Variants in USP7 observed in about 807,000 individuals in gnomAD.
USP7 encodes the protein ubiquitin specific peptidase 7.
A neutral mutation model predicts 162.9 loss-of-function variants in USP7; 9 were observed. The observed-to-expected ratio is 0.06, with a 90% CI of 0.03 to 0.10. The LOEUF is 0.10. Among genes scored for constraint, USP7 ranks in the 10% least tolerant of loss-of-function variants. The pLI is 1.00. For missense variants in USP7, 715 were observed against 1,373.7 expected (o/e 0.52, Z 7.58); for synonymous variants, 562 against 475.9 (o/e 1.18, Z -2.35).
Position 8,919,046 on chromosome 16 carries a change from C to A in USP7, c.705G>T (p.Thr235=), listed in dbSNP as rs747604903. The change falls in exon 6 of 31, where the codon ACG becomes ACT. Residue 235 remains threonine, a synonymous_variant. Coordinates refer to ENST00000344836, the MANE Select transcript of USP7 (RefSeq NM_003470.3). The part of the protein sequence containing the change: ...MNSLLQTLFF[T]NQLRKAVYMM... ...ATCCATTTACCTTTCGTAGCTGATT[C>A]GTGAAAAATAACGTCTGTAGCAGGC... 1.2e-6 allele frequency: 2 copies of A among 1,613,626 alleles called. No homozygotes were observed. The highest frequency in any genetic ancestry group is 1.7e-5 in the Admixed American group (1 of 60,030).
intron 1 of USP7, among the ~76,000 whole-genome samples, chr16:8,944,105 T>C (rs535611101): frequency 1.3e-5 from 2 of 152,226 alleles, no homozygotes; most frequent in East Asian, 3.9e-4. Context: ...ACATCAAGTA[T>C]ATAATGGTAG....
At chr16:8,916,835 CAA>C (rs1162015547) in intron 7 of USP7, among the ~76,000 whole-genome samples, 189 bp downstream of exon 7, 1 of 152,108 alleles carries the variant, frequency 6.6e-6, no homozygotes, top group Non-Finnish European at 1.5e-5. Flanking sequence ...AATTCTACAA[CAA>C]AGTGTCTATT....
chr16:8,923,101 C>T, intron 3 of USP7, 114 bp downstream of exon 3: 1 of 506,658 alleles, frequency 2.0e-6, no homozygotes. Context: ...TAAAGAGAAA[C>T]ACGTATTTAA....
At chr16:8,914,609 A>G (rs1172744806) in intron 10 of USP7, among the ~76,000 whole-genome samples, 2 of 152,202 alleles carry the variant, frequency 1.3e-5, no homozygotes, top group Non-Finnish European at 2.9e-5. Context: ...GTATCTCATG[A>G]ATGTGCTGGG....
chr16:8,902,010 G>C (rs1399940776), intron 18 of USP7, 72 bp downstream of exon 18: 6 of 1,268,584 alleles, frequency 4.7e-6, no homozygotes, highest in Admixed American at 1.8e-5. Flanking sequence ...TTAACCCTGT[G>C]TGTTTAGAAC....
At chr16:8,963,141 C>A in intron 1 of USP7, 66 bp downstream of exon 1, 1 of 1,313,848 alleles carries the variant, frequency 7.6e-7, no homozygotes, top group Non-Finnish European at 9.8e-7. Context: ...GCGTGGCTCC[C>A]GCGGCTCCCC....
At chr16:8,951,809 A>G (rs1899566901) in intron 1 of USP7, among the ~76,000 whole-genome samples, 1 of 152,208 alleles carries the variant, frequency 6.6e-6, no homozygotes, top group Non-Finnish European at 1.5e-5. Context: ...GATCTCATTA[A>G]AACTTGTTAC....
rs1300322912 is a variant in USP7, at chr16:8,896,964, C to G, written c.2819+35G>C. On this transcript the variant is annotated intron_variant, in intron 26 of 30. Transcript: ENST00000344836. ...GGTCAGCGTTAACTGCCACCCCTAA[C>G]TGAACGTCCACAATTGGGCTCAAGA... 7.1e-6 allele frequency: 11 copies of G among 1,548,040 alleles called. No homozygotes were observed. In the East Asian group the frequency reaches 1.1e-4, roughly 16 times the overall value.
chr16:8,955,224 C>G (rs896114740), intron 1 of USP7, among the ~76,000 whole-genome samples: 8 of 152,162 alleles, frequency 5.3e-5, no homozygotes, highest in African/African-American at 1.7e-4. Context: ...CGTTTTTTTA[C>G]ATATTAATCT....
intron 30 of USP7, 82 bp downstream of exon 30, chr16:8,894,468 T>G (rs541573568): frequency 7.0e-7 from 1 of 1,437,662 alleles, no homozygotes; most frequent in Admixed American, 2.2e-5. Context: ...CACTTGACCC[T>G]GGGGCTGCCC....
At chr16:8,960,176 G>T (rs1303025660) in intron 1 of USP7, among the ~76,000 whole-genome samples, 1 of 152,120 alleles carries the variant, frequency 6.6e-6, no homozygotes, top group Non-Finnish European at 1.5e-5. Context: ...TTCCCAGCCA[G>T]ACCTAATCAT....
At position 8,955,216 on chromosome 16, in the gene USP7, T is replaced by G. The variant is rs1412658353; in HGVS notation, c.79+7991A>C. On this transcript the variant is annotated intron_variant, in intron 1 of 30. Transcript: ENST00000344836. Reference sequence around the variant, plus strand: ...TGGGTTTCTCTTTCCGTATGGCTCGTTTTTTTACATATTAATCTGTTTGCA... The same window carrying G: ...TGGGTTTCTCTTTCCGTATGGCTCGGTTTTTTACATATTAATCTGTTTGCA... 2.0e-5 allele frequency among the ~76,000 whole-genome samples: 3 copies of G among 152,162 alleles called. 1 individual carries two copies. The highest frequency in any genetic ancestry group is 4.1e-4 in the South Asian group (2 of 4,828).
At chr16:8,897,145 A>C in intron 25 of USP7, 46 bp from the exon 26 acceptor site, 1 of 1,421,680 alleles carries the variant, frequency 7.0e-7, no homozygotes, top group South Asian at 1.2e-5. Context: ...AAAGCATAAA[A>C]GGTCTGCTAC....
In USP7 at chr16:8,893,948, T is replaced by G. The variant is rs745616058; in HGVS notation, c.*50A>C. 10 of 1,564,700 alleles carry G rather than the reference T, an allele frequency of 6.4e-6. No homozygotes were observed. The highest frequency in any genetic ancestry group is 1.8e-6 in the Non-Finnish European group (2 of 1,135,014). ...CACGTGCACCAAAGTTCTAGGCTGT[T>G]AAGGGGCCACCCACACACCGTCCTC... On this transcript the variant is annotated 3_prime_UTR_variant, in exon 31 of 31. Transcript: ENST00000344836.
chr16:8,931,190 C>CT (rs1239283546), intron 1 of USP7, among the ~76,000 whole-genome samples: 15,807 of 144,482 alleles, frequency 0.11, 1,030 homozygotes, highest in Middle Eastern at 0.21. Flanking sequence ...ACACATGCAT[C>CT]TTTTTTTTTT....
At chr16:8,926,820 A>G (rs1411537541) in intron 2 of USP7, among the ~76,000 whole-genome samples, 1 of 152,152 alleles carries the variant, frequency 6.6e-6, no homozygotes, top group East Asian at 1.9e-4. Flanking sequence ...AAAGCAACAA[A>G]CTTCTACAAA....
rs1160881042 is a variant in USP7, at chr16:8,935,134, T to A, written c.80-4737A>T. Among the ~76,000 whole-genome samples the A allele has an allele frequency of 3.3e-5, 5 of 152,210 alleles. No homozygotes were observed. The South Asian group carries it at 8.3e-4, about 25-fold the overall frequency. On this transcript the variant is annotated intron_variant, in intron 1 of 30. Coordinates refer to ENST00000344836, the MANE Select transcript of USP7 (RefSeq NM_003470.3). ...GAGTGATGTAATACCAAGTTTTATA[T>A]GCCACCTTTTCGGAAGTTTTTAAGA... is the stretch of plus-strand genomic sequence containing the variant.
chr16:8,933,473 A>G (rs1361243414), intron 1 of USP7, among the ~76,000 whole-genome samples: 1 of 152,232 alleles, frequency 6.6e-6, no homozygotes, highest in Non-Finnish European at 1.5e-5. Context: ...ATAGAAATAT[A>G]TAATTTCATA....
At chr16:8,921,936 G>C (rs894006552) in intron 3 of USP7, among the ~76,000 whole-genome samples, 1 of 152,170 alleles carries the variant, frequency 6.6e-6, no homozygotes, top group Non-Finnish European at 1.5e-5. Context: ...CTGCAACTGA[G>C]CCCTGAAATG....
Sources: allele counts gnomAD v4.1 joint callset (sites outside exome capture counted in the v4.1 genomes callset), GRCh38; gene constraint gnomAD v4.1.1; transcripts MANE v1.5; gene names NCBI Gene and HGNC (gene_info 2026-07-23, HGNC 2026-07-21).